MBTPS1: variants seen among roughly 807,000 people sequenced by gnomAD.
The protein encoded by MBTPS1 is membrane-bound transcription factor site-1 protease.
MBTPS1 carries 94 observed loss-of-function variants against 127.8 expected under a neutral mutation model. That is an observed-to-expected ratio of 0.74 (90% confidence interval 0.62 to 0.87). The LOEUF is 0.87. Among genes scored for constraint, MBTPS1 ranks in the 40% least tolerant of loss-of-function variants. The pLI is 0.00. For missense variants in MBTPS1, 1,636 were observed against 1,353.2 expected (o/e 1.21, Z -3.28); for synonymous variants, 632 against 509.4 (o/e 1.24, Z -3.24).
At chr16:84,080,276 T>C (rs1379769958) in intron 11 of MBTPS1, among the ~76,000 whole-genome samples, 1 of 152,180 alleles carries the variant, frequency 6.6e-6, no homozygotes, top group Non-Finnish European at 1.5e-5. Flanking sequence ...GAGTTCCAAT[T>C]AATCAATGTA....
At chr16:84,076,417 A>G (rs972473502) in intron 11 of MBTPS1, among the ~76,000 whole-genome samples, 2 of 152,244 alleles carry the variant, frequency 1.3e-5, no homozygotes, top group African/African-American at 4.8e-5. Context: ...CCTGCTGTTC[A>G]ACACTGTGCT....
In MBTPS1 at chr16:84,063,343, C is replaced by T; in HGVS notation, c.2534G>A (p.Gly845Glu). Residue 845 changes from glycine (G) to glutamate (E), a missense_variant, in exon 19 of 23, where the codon GGG (glycine) becomes GAG (glutamate). Gly to Glu is a moderately conservative substitution (Grantham distance 98). Coordinates refer to ENST00000343411, the MANE Select transcript of MBTPS1 (RefSeq NM_003791.4). Reference sequence around the variant, plus strand: ...ACTGTCATCCAAGCAATTGGAGTCCCCATACAGTACAATCCGGCCTCCACC... The same window carrying T: ...ACTGTCATCCAAGCAATTGGAGTCCTCATACAGTACAATCCGGCCTCCACC... ...AEGGGRIVLY[G>E]DSNCLDDSHR... 1 of 1,613,980 alleles carries T rather than the reference C, an allele frequency of 6.2e-7. No individual in the cohort carries two copies. Among genetic ancestry groups the T allele is most frequent in the Non-Finnish European group, 8.5e-7 (1 of 1,179,882 alleles).
chr16:84,113,443 G>C (rs1050293832), intron 1 of MBTPS1, among the ~76,000 whole-genome samples: 3 of 152,162 alleles, frequency 2.0e-5, no homozygotes, highest in African/African-American at 7.2e-5. Flanking sequence ...AACTGAAAAA[G>C]ACACCGTTCA....
rs1300220113 is a variant in MBTPS1, at chr16:84,116,742, G to A, written c.-332C>T. 6.6e-6 allele frequency: 1 copy of A among 152,244 alleles called. No homozygotes were observed. Among genetic ancestry groups the A allele is most frequent in the Non-Finnish European group, 1.5e-5 (1 of 68,038 alleles). 9.4% of individuals were successfully genotyped at this position (152,244 alleles called of 1,614,324 possible). A position where few individuals can be genotyped will look rare whatever the true frequency, so the allele number is the denominator to read the frequency against. On this transcript the variant is annotated 5_prime_UTR_variant, in exon 1 of 23. Coordinates refer to ENST00000343411, the MANE Select transcript of MBTPS1 (RefSeq NM_003791.4). ...CGCGGGCGGCTGACGTACCTGCGCC[G>A]CCGGGAGCTCAGGGCCGGCGGGCCC...
chr16:84,115,470 CT>C (rs1287593441), intron 1 of MBTPS1, among the ~76,000 whole-genome samples: 3 of 152,022 alleles, frequency 2.0e-5, no homozygotes, highest in Non-Finnish European at 4.4e-5. Flanking sequence ...ATAAAATAAA[CT>C]TTTATTTGTC....
At position 84,070,465 on chromosome 16, in the gene MBTPS1, A is replaced by G. The variant is rs904602475; in HGVS notation, c.1782+123T>C. ...GGCCCTGGAACCATCAATTGTGGCCATCGAGGATAAGCCTATCTGTCAACT... is the reference window on the plus strand; with the variant it reads ...GGCCCTGGAACCATCAATTGTGGCCGTCGAGGATAAGCCTATCTGTCAACT... On this transcript the variant is annotated intron_variant, in intron 13 of 22. Transcript: ENST00000343411. 9.0e-5 allele frequency: 87 copies of G among 965,424 alleles called. No individual in the cohort carries two copies. In the African/African-American group the frequency reaches 1.3e-3, roughly 14 times the overall value. The allele number at this position is 965,424 out of a possible 1,614,324, so 59.8% of individuals were successfully genotyped here.
chr16:84,116,237 G>A (rs983555798), intron 1 of MBTPS1, among the ~76,000 whole-genome samples: 1 of 152,210 alleles, frequency 6.6e-6, no homozygotes, highest in Non-Finnish European at 1.5e-5. Context: ...CTTAGGTAGC[G>A]CAACCATGCC....
intron 11 of MBTPS1, among the ~76,000 whole-genome samples, chr16:84,077,797 A>G (rs1232245316): frequency 2.0e-5 from 3 of 152,218 alleles, no homozygotes; most frequent in Non-Finnish European, 4.4e-5. Context: ...AAGTCAAAAG[A>G]CAACTGACAA....
In MBTPS1 at chr16:84,102,678, T is replaced by C. The variant is rs9929709; in HGVS notation, c.-324-571A>G. On this transcript the variant is annotated intron_variant, in intron 1 of 22. Coordinates refer to ENST00000343411, the MANE Select transcript of MBTPS1 (RefSeq NM_003791.4). ...CATTTCCCCAGTTGGCACTTTTACT[T>C]CCCACAAATTTCATCAATTTTTCAG... Among the ~76,000 whole-genome samples, 372 of 152,336 alleles carry C rather than the reference T, an allele frequency of 2.4e-3. 5 individuals are homozygous for C. Among genetic ancestry groups the C allele is most frequent in the African/African-American group, 8.3e-3 (347 of 41,588 alleles).
In MBTPS1 at chr16:84,093,281, T is replaced by A. The variant is rs1160704417; in HGVS notation, c.753A>T (p.Thr251=). The A allele has an allele frequency of 6.8e-6, 11 of 1,613,220 alleles. No individual in the cohort carries two copies. The highest frequency in any genetic ancestry group is 9.3e-6 in the Non-Finnish European group (11 of 1,179,120). The change falls in exon 6 of 23, where the codon ACA becomes ACT. Residue 251 remains threonine (T), a synonymous_variant. Coordinates refer to ENST00000343411, the MANE Select transcript of MBTPS1 (RefSeq NM_003791.4). ...RTLDDGLGHG[T]FVAGVIASMR... is the part of the protein sequence containing the mutation. ...TGCTGGCTATCACACCTGCCACGAA[T>A]GTGCCATGGCCCAACCCTGCAGTCC...
chr16:84,060,626 C>T (rs1311756521), intron 20 of MBTPS1, 56 bp downstream of exon 20: 13 of 1,579,112 alleles, frequency 8.2e-6, no homozygotes, highest in East Asian at 2.3e-5. Context: ...GCTGAAGTAG[C>T]ATCATGTTCA....
At chr16:84,059,512 T>G in intron 20 of MBTPS1, 84 bp from the exon 21 acceptor site, 4 of 1,280,468 alleles carry the variant, frequency 3.1e-6, no homozygotes, top group South Asian at 1.3e-5. Context: ...TTATTATGAG[T>G]CTGTCTGCTT....
intron 1 of MBTPS1, among the ~76,000 whole-genome samples, chr16:84,109,823 G>A (rs1311395562): frequency 6.6e-6 from 1 of 152,210 alleles, no homozygotes. Context: ...CCGTGGATCA[G>A]ATGGTAGTGA....
chr16:84,104,995 C>T (rs190282737), intron 1 of MBTPS1, among the ~76,000 whole-genome samples: 71 of 151,598 alleles, frequency 4.7e-4, no homozygotes, highest in East Asian at 2.5e-3. Context: ...CCAACTACTC[C>T]GGAGGGTGAG....
chr16:84,054,480 T>A lies in MBTPS1; in HGVS notation c.3128A>T (p.Gln1043Leu), dbSNP rs1270541163. 6.2e-7 allele frequency: 1 copy of A among 1,610,964 alleles called. No individual in the cohort carries two copies. Among genetic ancestry groups the A allele is most frequent in the Non-Finnish European group, 8.5e-7 (1 of 1,178,308 alleles). ...PRVKRPQLMQQVHPPKTPSV is the reference protein window; with the variant it reads ...PRVKRPQLMQLVHPPKTPSV The stretch of plus-strand genomic sequence containing the variant: ...CGAAGGGGTCTTTGGCGGGTGAACC[T>A]GCTGCATGAGCTGCGGGCGCTTCAC... Residue 1043 changes from glutamine (Q) to leucine (L), a missense_variant, in exon 23 of 23, where the codon CAG (glutamine) becomes CTG (leucine). Gln to Leu is a moderately radical substitution (Grantham distance 113). Transcript: ENST00000343411.
At chr16:84,055,475 T>C (rs2085508955) in intron 22 of MBTPS1, among the ~76,000 whole-genome samples, 1 of 152,172 alleles carries the variant, frequency 6.6e-6, no homozygotes. Flanking sequence ...GAACCTGCCC[T>C]AGGCAGTCTA....
In MBTPS1 at chr16:84,067,650, ATGCG is replaced by A; in HGVS notation, c.2228+13_2228+16del. The A allele has an allele frequency of 6.3e-7, 1 of 1,585,826 alleles. No individual in the cohort carries two copies. The highest frequency in any genetic ancestry group is 8.6e-7 in the Non-Finnish European group (1 of 1,157,384). ...CCCCAAAAGTCTTATCCAAATACCA[ATGCG>A]TATCAACAGTACCTTGTGTTTTCAT... On this transcript the variant is annotated intron_variant, in intron 16 of 22. Coordinates refer to ENST00000343411, the MANE Select transcript of MBTPS1 (RefSeq NM_003791.4).
rs886292750 is a variant in MBTPS1 at position 84,091,942 on chromosome 16, G to A, written c.847-94C>T. 13 of 754,636 alleles carry A rather than the reference G, an allele frequency of 1.7e-5. No individual in the cohort carries two copies. The African/African-American group carries it at 2.1e-4, about 12-fold the overall frequency. The allele number at this position is 754,636 out of a possible 1,614,324, so 46.7% of individuals were successfully genotyped here. On this transcript the variant is annotated intron_variant, in intron 6 of 22. Transcript: ENST00000343411. ...TTCTAAGGCTCTTTTAAAATTACAA[G>A]TAGTTCTCTTAATTTTTTTTTACTT...
chr16:84,098,439 T>C (rs11865149), intron 3 of MBTPS1, among the ~76,000 whole-genome samples: 7,050 of 152,102 alleles, frequency 0.046, 526 homozygotes, highest in African/African-American at 0.16. Context: ...GGAGAAACCC[T>C]GTCTCTACTA....
Sources: gnomAD v4.1 joint callset for allele counts (sites outside exome capture counted in the v4.1 genomes callset) on GRCh38, gnomAD v4.1.1 for gene constraint, MANE v1.5 for transcripts, NCBI Gene and HGNC (gene_info 2026-07-23, HGNC 2026-07-21) for gene names.